SENP1: variants seen among roughly 807,000 people sequenced by gnomAD.
The protein encoded by SENP1 is sentrin-specific protease 1.
In SENP1, 21 loss-of-function variants were observed where a neutral mutation model predicts 93.0. The observed-to-expected ratio is 0.23, with a 90% CI of 0.16 to 0.33. The LOEUF (loss-of-function observed/expected upper bound fraction) is 0.33. Ranked by LOEUF, SENP1 falls within the 10% of genes least tolerant of loss-of-function variation. The probability of loss-of-function intolerance (pLI) is 1.00; values close to 1 mark genes in which losing one functional copy is unlikely to be tolerated. For synonymous variants in SENP1, 256 were observed against 259.6 expected, an observed-to-expected ratio of 0.99 and a Z score of 0.13; for missense variants, 591 against 758.7, an observed-to-expected ratio of 0.78 and a Z score of 2.60.
intron 13 of SENP1, among the ~76,000 whole-genome samples, chr12:48,056,463 T>A (rs1411529643): frequency 9.4e-6 from 1 of 106,228 alleles, no homozygotes; most frequent in Non-Finnish European, 1.7e-5. Context: ...ACATATTACA[T>A]ATATAAATAT....
rs953813743 is a variant in SENP1, at chr12:48,045,189, C to T, written c.*133G>A. The T allele has an allele frequency of 1.2e-5, 8 of 688,194 alleles. No homozygotes were observed. Among genetic ancestry groups the T allele is most frequent in the African/African-American group, 3.6e-5 (2 of 56,130 alleles). The allele number at this position is 688,194 out of a possible 1,614,324, so 42.6% of individuals were successfully genotyped here. ...GGCAGATGTGCTTGTGAATGCATCTCGCCAGGGCCTGGTCCAGGATCAAGG... is the reference window on the plus strand; with the variant it reads ...GGCAGATGTGCTTGTGAATGCATCTTGCCAGGGCCTGGTCCAGGATCAAGG... On this transcript the variant is annotated 3_prime_UTR_variant, in exon 18 of 18. Transcript: ENST00000549518.
At position 48,059,379 on chromosome 12, in the gene SENP1, T is replaced by C. The variant is rs1034883682; in HGVS notation, c.1407+4331A>G. On this transcript the variant is annotated intron_variant, in intron 13 of 17. Coordinates refer to ENST00000549518, the MANE Select transcript of SENP1 (RefSeq NM_001267594.2). ...TCTTATGAAGTGTCTAATCTATTAA[T>C]ACTACCTTATATATTTTTATTTCAG... Among the ~76,000 whole-genome samples the C allele has an allele frequency of 2.6e-5, 4 of 152,190 alleles. No individual in the cohort carries two copies. The South Asian group carries it at 6.2e-4, about 24-fold the overall frequency.
At chr12:48,068,067 T>C (rs1943421145) in intron 9 of SENP1, among the ~76,000 whole-genome samples, 1 of 152,070 alleles carries the variant, frequency 6.6e-6, no homozygotes, top group African/African-American at 2.4e-5. Context: ...AGAGACGAGG[T>C]TTCACCATGT....
chr12:48,089,038 T>C (rs1251342506), intron 4 of SENP1, 78 bp from the exon 5 acceptor site: 78 of 1,536,498 alleles, frequency 5.1e-5, no homozygotes, highest in South Asian at 2.6e-4. Flanking sequence ...TGACCAACCA[T>C]TGTATTCCAA....
At chr12:48,072,213 T>G (rs1374535644) in intron 8 of SENP1, among the ~76,000 whole-genome samples, 1 of 152,240 alleles carries the variant, frequency 6.6e-6, no homozygotes, top group African/African-American at 2.4e-5. Flanking sequence ...TCCAGCTCTA[T>G]TTCAGGCATG....
At chr12:48,063,651 C>T in intron 13 of SENP1, 59 bp downstream of exon 13, 1 of 1,550,968 alleles carries the variant, frequency 6.4e-7, no homozygotes, top group Non-Finnish European at 8.8e-7. Context: ...GAGATAATGC[C>T]TTAATTTAAC....
chr12:48,105,934 G>A (rs1302599361), intron 1 of SENP1, 94 bp downstream of exon 1: 1 of 685,848 alleles, frequency 1.5e-6, no homozygotes, highest in Non-Finnish European at 2.7e-6. Context: ...CTTCCGCCCA[G>A]TCCAGCCCGG....
chr12:48,084,057 G>A (rs1944665592), intron 5 of SENP1, among the ~76,000 whole-genome samples: 1 of 152,194 alleles, frequency 6.6e-6, no homozygotes, highest in African/African-American at 2.4e-5. Context: ...TTTGTGGTAT[G>A]ACAAAGCATA....
At position 48,075,851 on chromosome 12, in the gene SENP1, TA is replaced by T. The variant is rs140955075; in HGVS notation, c.553-1059del. ...GCAGCAGGAACAGGTAAGATTTCTC[TA>T]AAAAAAAGTGATATTTCAGCAGAAA... On this transcript the variant is annotated intron_variant, in intron 6 of 17. Transcript: ENST00000549518. Among the ~76,000 whole-genome samples, 2 of 151,698 alleles carry T rather than the reference TA, an allele frequency of 1.3e-5. 1 individual carries two copies. Among genetic ancestry groups the T allele is most frequent in the South Asian group, 4.2e-4 (2 of 4,806 alleles).
chr12:48,081,838 T>C (rs1418809710), intron 6 of SENP1, among the ~76,000 whole-genome samples: 1 of 152,026 alleles, frequency 6.6e-6, no homozygotes, highest in African/African-American at 2.4e-5. Flanking sequence ...AGTGCTGGGA[T>C]TGTACATGAG....
At chr12:48,085,362 G>A (rs1024153398) in intron 5 of SENP1, 41 of 1,400,164 alleles carry the variant, frequency 2.9e-5, no homozygotes, top group African/African-American at 4.3e-5. Flanking sequence ...ATATGAGGAC[G>A]CCAAGGACTC....
chr12:48,074,538 T>G lies in SENP1; in HGVS notation c.726A>C (p.Ala242=). 3 of 1,613,666 alleles carry G rather than the reference T, an allele frequency of 1.9e-6. No homozygotes were observed. Among genetic ancestry groups the G allele is most frequent in the Non-Finnish European group, 2.5e-6 (3 of 1,179,582 alleles). ...AAGTATCAGAGCCAATGATCTGAGATGCACAAGAGTTTCCATTTTTAAACA... is the reference window on the plus strand; with the variant it reads ...AAGTATCAGAGCCAATGATCTGAGAGGCACAAGAGTTTCCATTTTTAAACA... The part of the protein sequence containing the change: ...DSLFKNGNSC[A]SQIIGSDTSS... The change falls in exon 8 of 18, where the codon GCA becomes GCC. Residue 242 remains alanine (A), a synonymous_variant. Transcript: ENST00000549518.
chr12:48,046,260 A>G, intron 17 of SENP1, 96 bp downstream of exon 17: 1 of 765,486 alleles, frequency 1.3e-6, no homozygotes, highest in Non-Finnish European at 2.3e-6. Context: ...AGGTTAGGGT[A>G]GAGGCCCCTA....
Position 48,063,688 on chromosome 12 carries a change from G to A in SENP1, c.1407+22C>T, listed in dbSNP as rs74086784. ...GCCACTTAATGTTTACTATTTGTAT[G>A]TAAAAATAGATGCAACATTACCTCA... On this transcript the variant is annotated intron_variant, in intron 13 of 17. Coordinates refer to ENST00000549518, the MANE Select transcript of SENP1 (RefSeq NM_001267594.2). The A allele has an allele frequency of 2.1e-4, 337 of 1,598,308 alleles. 3 individuals carry two copies. The African/African-American group carries it at 4.2e-3, about 20-fold the overall frequency.
chr12:48,090,046 G>A (rs1945122988), intron 4 of SENP1, among the ~76,000 whole-genome samples: 1 of 152,162 alleles, frequency 6.6e-6, no homozygotes, highest in Non-Finnish European at 1.5e-5. Context: ...AGAAGTCATG[G>A]CTGGTATTAG....
chr12:48,053,414 G>A (rs959241508), intron 13 of SENP1, among the ~76,000 whole-genome samples: 2 of 150,414 alleles, frequency 1.3e-5, no homozygotes, highest in African/African-American at 4.9e-5. Context: ...GGAGTTTGAG[G>A]CTGCAGTGAG....
chr12:48,071,005 G>A (rs1362130596), intron 9 of SENP1, among the ~76,000 whole-genome samples: 1 of 152,136 alleles, frequency 6.6e-6, no homozygotes, highest in Non-Finnish European at 1.5e-5. Context: ...GATCACTTGA[G>A]CCCAGGAGTT....
chr12:48,083,643 C>T lies in SENP1; in HGVS notation c.500G>A (p.Ser167Asn), dbSNP rs770056884. 20 of 1,613,660 alleles carry T rather than the reference C, an allele frequency of 1.2e-5. No homozygotes were observed. The highest frequency in any genetic ancestry group is 1.6e-5 in the Non-Finnish European group (19 of 1,179,822). The change falls in exon 6 of 18, where the codon AGT becomes AAT. Residue 167 changes from serine (S) to asparagine (N), a missense_variant. Coordinates refer to ENST00000549518, the MANE Select transcript of SENP1 (RefSeq NM_001267594.2). ...SPSWSGSCRR[S>N]LLSPKKTQRR... ...CTGAGTTTTCTTGGGGCTCAAAAGACTTCGACGACATGAACCACTCCAAGA... is the reference window on the plus strand; with the variant it reads ...CTGAGTTTTCTTGGGGCTCAAAAGATTTCGACGACATGAACCACTCCAAGA...
intron 1 of SENP1, among the ~76,000 whole-genome samples, chr12:48,102,262 T>C (rs1945991363): frequency 6.6e-6 from 1 of 151,854 alleles, no homozygotes; most frequent in African/African-American, 2.4e-5. Flanking sequence ...TGAAAACCCA[T>C]CTCTACTAAA....
Sources: gnomAD v4.1 joint callset for allele counts (sites outside exome capture counted in the v4.1 genomes callset) on GRCh38, gnomAD v4.1.1 for gene constraint, MANE v1.5 for transcripts, NCBI Gene and HGNC (gene_info 2026-07-23, HGNC 2026-07-21) for gene names.